The following XRCC2 variants were observed in gnomAD, a reference collection of about 807,000 sequenced individuals.
The protein encoded by XRCC2 is X-ray repair cross complementing 2.
A neutral mutation model predicts 27.3 loss-of-function variants in XRCC2; 24 were observed. The observed-to-expected ratio is 0.88, with a 90% CI of 0.64 to 1.24. The LOEUF (loss-of-function observed/expected upper bound fraction) is 1.24. Among genes scored for constraint, XRCC2 ranks in the 50% most tolerant of loss-of-function variants. XRCC2 has a pLI of 0.00. For synonymous variants in XRCC2, 106 were observed against 115.4 expected (o/e 0.92, Z 0.52); for missense variants, 321 against 325.8 (o/e 0.99, Z 0.11).
chr7:152,655,356 T>A (rs2098030275), intron 2 of XRCC2, among the ~76,000 whole-genome samples: 1 of 152,200 alleles, frequency 6.6e-6, no homozygotes, highest in Non-Finnish European at 1.5e-5. Flanking sequence ...ATTATAGAAG[T>A]AAAGAAGTAA....
At chr7:152,662,126 G>C (rs1412418476) in intron 1 of XRCC2, among the ~76,000 whole-genome samples, 1 of 151,926 alleles carries the variant, frequency 6.6e-6, no homozygotes, top group Non-Finnish European at 1.5e-5. Flanking sequence ...CACCACGCCC[G>C]GCTAATTTTT....
intron 1 of XRCC2, among the ~76,000 whole-genome samples, chr7:152,671,605 C>T (rs1312356997): frequency 6.6e-6 from 1 of 152,042 alleles, no homozygotes; most frequent in Non-Finnish European, 1.5e-5. Flanking sequence ...TCTGGGATGC[C>T]TATTAAACAT....
chr7:152,654,855 A>G (rs1156277474), intron 2 of XRCC2, among the ~76,000 whole-genome samples: 1 of 152,246 alleles, frequency 6.6e-6, no homozygotes, highest in Non-Finnish European at 1.5e-5. Flanking sequence ...AGACACATGA[A>G]TTATCATTAA....
At chr7:152,662,407 A>C (rs1488920690) in intron 1 of XRCC2, among the ~76,000 whole-genome samples, 3 of 151,400 alleles carry the variant, frequency 2.0e-5, no homozygotes, top group Admixed American at 1.3e-4. Flanking sequence ...AGTCATTAGG[A>C]TCACAGGGGG....
chr7:152,668,168 A>G (rs1328053985), intron 1 of XRCC2, among the ~76,000 whole-genome samples: 9 of 152,164 alleles, frequency 5.9e-5, no homozygotes, highest in Non-Finnish European at 1.2e-4. Flanking sequence ...AAATAAATAC[A>G]CAAGTTTTCA....
At chr7:152,666,060 G>GT (rs2098035492) in intron 1 of XRCC2, among the ~76,000 whole-genome samples, 1 of 124,244 alleles carries the variant, frequency 8.0e-6, no homozygotes, top group African/African-American at 3.1e-5. Context: ...ATTTTTCTCA[G>GT]TTTTTTCTTA....
At chr7:152,674,929 T>G (rs2098040264) in intron 1 of XRCC2, among the ~76,000 whole-genome samples, 1 of 151,624 alleles carries the variant, frequency 6.6e-6, no homozygotes. Context: ...TGCCTTTATT[T>G]ATCTATGACT....
Position 152,662,518 on chromosome 7 carries a change from GA to G in XRCC2, c.40-1737del, listed in dbSNP as rs201349111. 5.4e-5 allele frequency among the ~76,000 whole-genome samples: 7 copies of G among 129,620 alleles called. No homozygotes were observed. In the South Asian group the frequency reaches 9.9e-4, roughly 18 times the overall value. 85.0% of individuals were successfully genotyped at this position (129,620 alleles called of 152,430 possible). A position where few individuals can be genotyped will look rare whatever the true frequency, so the allele number is the denominator to read the frequency against. On this transcript the variant is annotated intron_variant, in intron 1 of 2. Coordinates refer to ENST00000359321, the MANE Select transcript of XRCC2 (RefSeq NM_005431.2). ...TTGACAACCCTTCTATATGACAAAA[GA>G]AAAAAAAATCTATCACAAATGGGAA...
At chr7:152,656,895 A>G (rs1438213977) in intron 2 of XRCC2, among the ~76,000 whole-genome samples, 2 of 152,200 alleles carry the variant, frequency 1.3e-5, no homozygotes, top group African/African-American at 2.4e-5. Context: ...TGAAATCCAA[A>G]TGAGAAAATA....
chr7:152,670,336 G>T (rs1319080200), intron 1 of XRCC2, among the ~76,000 whole-genome samples: 1 of 152,180 alleles, frequency 6.6e-6, no homozygotes, highest in Non-Finnish European at 1.5e-5. Context: ...ATTCCAAAAT[G>T]CAATGCTTTA....
At chr7:152,674,698 T>TATATATTATATATGAAA (rs1339404458) in intron 1 of XRCC2, among the ~76,000 whole-genome samples, 2 of 69,772 alleles carry the variant, frequency 2.9e-5, no homozygotes, top group Non-Finnish European at 4.8e-5. Flanking sequence ...TATTTTTAAA[T>TATATATTATATATGAAA]ATATATTTAT....
In XRCC2 at chr7:152,649,253, C is replaced by T. The variant is rs879254167; in HGVS notation, c.232G>A (p.Val78Ile). The T allele has an allele frequency of 1.2e-6, 2 of 1,613,738 alleles. No individual in the cohort carries two copies. ...PKSEGGLEVE[V>I]LFIDTDYHFD... ...TGGTAATCTGTATCAATAAATAAGA[C>T]TTCTACTTCCAGGCCACCTTCTGAT... The change falls in exon 3 of 3, where the codon GTC (valine) becomes ATC (isoleucine). Residue 78 changes from valine (V) to isoleucine (I), a missense_variant. Transcript: ENST00000359321.
chr7:152,650,112 A>G (rs2098027896), intron 2 of XRCC2, among the ~76,000 whole-genome samples: 1 of 152,110 alleles, frequency 6.6e-6, no homozygotes, highest in Admixed American at 6.5e-5. Flanking sequence ...AGGTGAAGGC[A>G]CTCCCTAATT....
rs752500285 is a variant in XRCC2, at chr7:152,647,282, T to C, written c.*1360A>G. 2 of 152,196 alleles carry C rather than the reference T, an allele frequency of 1.3e-5. No homozygotes were observed. The highest frequency in any genetic ancestry group is 1.5e-5 in the Non-Finnish European group (1 of 68,032). 9.4% of individuals were successfully genotyped at this position (152,196 alleles called of 1,614,324 possible). A position where few individuals can be genotyped will look rare whatever the true frequency, so the allele number is the denominator to read the frequency against. Reference sequence around the variant, plus strand: ...TTCTTCTAAATTTGTTTAAATTACGTATAGATGCTGGATTTCAGACCTTTC... The same window carrying C: ...TTCTTCTAAATTTGTTTAAATTACGCATAGATGCTGGATTTCAGACCTTTC... On this transcript the variant is annotated 3_prime_UTR_variant, in exon 3 of 3. Coordinates refer to ENST00000359321, the MANE Select transcript of XRCC2 (RefSeq NM_005431.2).
chr7:152,655,474 T>C (rs898225113), intron 2 of XRCC2, among the ~76,000 whole-genome samples: 17 of 152,172 alleles, frequency 1.1e-4, no homozygotes, highest in African/African-American at 1.2e-4. Flanking sequence ...TTTGGGAGGC[T>C]GAGGTGGGCA....
intron 1 of XRCC2, among the ~76,000 whole-genome samples, chr7:152,674,944 T>C (rs1312085591): frequency 6.6e-6 from 1 of 151,700 alleles, no homozygotes; most frequent in African/African-American, 2.4e-5. Context: ...ATGACTGCCT[T>C]CCCATTAGAA....
In XRCC2 at chr7:152,648,807, A is replaced by AT. The variant is rs1590129294; in HGVS notation, c.677dup (p.Tyr226Ter). 1.2e-6 allele frequency: 2 copies of AT among 1,614,160 alleles called. No homozygotes were observed. Among genetic ancestry groups the AT allele is most frequent in the Non-Finnish European group, 1.7e-6 (2 of 1,180,028 alleles). ...LCDVDIDYRPYLCKAWQQLVK... is the reference protein window; with the variant it reads ...LCDVDIDYRP Reference sequence around the variant, plus strand: ...CCAGTTGCTGCCATGCCTTACAGAGATAAGGTCTGTAGTCTATGTCCACAT... The same window carrying AT: ...CCAGTTGCTGCCATGCCTTACAGAGATTAAGGTCTGTAGTCTATGTCCACAT... Residue 226 changes from tyrosine (Y) to a stop codon, truncating the protein, a stop_gained and frameshift_variant, in exon 3 of 3, where the codon TAT becomes TAAT. Coordinates refer to ENST00000359321, the MANE Select transcript of XRCC2 (RefSeq NM_005431.2). LOFTEE classifies it high-confidence loss of function.
chr7:152,662,713 C>T (rs1488152105), intron 1 of XRCC2, among the ~76,000 whole-genome samples: 3 of 149,102 alleles, frequency 2.0e-5, no homozygotes, highest in African/African-American at 7.4e-5. Context: ...GCTGGGACTA[C>T]AGGCGCCCGC....
At chr7:152,670,179 A>C (rs1357118077) in intron 1 of XRCC2, among the ~76,000 whole-genome samples, 2 of 152,110 alleles carry the variant, frequency 1.3e-5, no homozygotes, top group African/African-American at 2.4e-5. Context: ...TAAATTCCCT[A>C]CTGAATGAAT....
Sources: allele counts gnomAD v4.1 joint callset (sites outside exome capture counted in the v4.1 genomes callset), GRCh38; gene constraint gnomAD v4.1.1; transcripts MANE v1.5; gene names NCBI Gene and HGNC (gene_info 2026-07-23, HGNC 2026-07-21).